DLGAP1: variants seen among roughly 807,000 people sequenced by gnomAD.
The protein encoded by DLGAP1 is DLG associated protein 1.
Under a neutral mutation model 90.8 loss-of-function variants are expected in DLGAP1, and 11 were observed. The observed-to-expected ratio is 0.12, with a 90% CI of 0.08 to 0.20. The LOEUF is 0.20. DLGAP1 is among the 10% of genes least tolerant of loss of function. The pLI, the probability that DLGAP1 is intolerant of heterozygous loss-of-function variation, is 1.00. For missense variants in DLGAP1, 1,050 were observed against 1,333.8 expected (o/e 0.79, Z 3.31); for synonymous variants, 558 against 540.7 (o/e 1.03, Z -0.44).
At chr18:3,787,139 AT>A (rs3837917) in intron 5 of DLGAP1, among the ~76,000 whole-genome samples, 101,538 of 151,834 alleles carry the variant, frequency 0.67, 35,694 homozygotes, top group Non-Finnish European at 0.8. Flanking sequence ...AAATAGGAAC[AT>A]CATGAAATGG....
chr18:4,244,054 A>C lies in DLGAP1; in HGVS notation c.-266-92767T>G, dbSNP rs546776009. ...TTCTGTACCATCTGAAGTTGTAGAC[A>C]TTGTGCATATCTTAAGAACTCATAT... On this transcript the variant is annotated intron_variant, in intron 1 of 12. Coordinates refer to ENST00000315677, the MANE Select transcript of DLGAP1 (RefSeq NM_004746.4). Among the ~76,000 whole-genome samples the C allele has an allele frequency of 2.0e-5, 3 of 152,228 alleles. No homozygotes were observed. In the South Asian group the frequency reaches 6.2e-4, roughly 32 times the overall value.
intron 7 of DLGAP1, among the ~76,000 whole-genome samples, chr18:3,657,641 T>G (rs376077271): frequency 2.0e-5 from 3 of 150,728 alleles, no homozygotes; most frequent in South Asian, 4.2e-4. Flanking sequence ...CTTGCTCTGT[T>G]GCCCAGGCTG....
chr18:3,879,339 T>C lies in DLGAP1; in HGVS notation c.730A>G (p.Ser244Gly). 1 of 1,609,322 alleles carries C rather than the reference T, an allele frequency of 6.2e-7. No homozygotes were observed. Among genetic ancestry groups the C allele is most frequent in the Non-Finnish European group, 8.5e-7 (1 of 1,177,580 alleles). ...CGGGAGGCCTTCACCGCCTGCTCGC[T>C]GATGGTGTTGTAGGCCTCCAGGAAG... ...QYFLEAYNTI[S>G]EQAVKASRSN... The change falls in exon 4 of 13, where the codon AGC becomes GGC. Residue 244 changes from serine (S) to glycine (G), a missense_variant. Ser to Gly is a moderately conservative substitution (Grantham distance 56). Transcript: ENST00000315677. This position sits in a 1 kb window ranked among gnomAD's most constrained non-coding sequence, Gnocchi z 6.6.
intron 7 of DLGAP1, chr18:3,655,571 T>C (rs995108525): frequency 6.6e-6 from 1 of 151,570 alleles, no homozygotes; most frequent in Admixed American, 6.5e-5. Context: ...TGCCTCATAG[T>C]GGTGGGTCAC....
chr18:4,175,479 T>C (rs1010931424), intron 1 of DLGAP1, among the ~76,000 whole-genome samples: 1 of 152,242 alleles, frequency 6.6e-6, no homozygotes, highest in Non-Finnish European at 1.5e-5. Flanking sequence ...ATTTATGTCA[T>C]GAAATCTTTG....
At chr18:3,855,960 G>A (rs1024624880) in intron 4 of DLGAP1, among the ~76,000 whole-genome samples, 7 of 152,160 alleles carry the variant, frequency 4.6e-5, no homozygotes, top group Admixed American at 2.6e-4. Flanking sequence ...AAAGAGAAGT[G>A]GATTTGGATT....
chr18:3,652,727 T>G (rs2059358075), intron 7 of DLGAP1, among the ~76,000 whole-genome samples: 1 of 152,192 alleles, frequency 6.6e-6, no homozygotes, highest in Non-Finnish European at 1.5e-5. Flanking sequence ...AACCTTCATT[T>G]TTTTCATACG....
chr18:4,308,010 C>T (rs140009343), intron 1 of DLGAP1, among the ~76,000 whole-genome samples: 20 of 152,258 alleles, frequency 1.3e-4, no homozygotes, highest in African/African-American at 2.9e-4. Flanking sequence ...CCACCGTGCC[C>T]GGCCGAGGGT....
chr18:4,306,436 T>G (rs2080262041), intron 1 of DLGAP1, among the ~76,000 whole-genome samples: 1 of 102,362 alleles, frequency 9.8e-6, no homozygotes, highest in Non-Finnish European at 1.9e-5. Flanking sequence ...AGTGTGTGTG[T>G]GTGTGTGTGT....
At chr18:3,592,878 G>GAAAAAAAAAAAAAAAAAAAAAAAAA (rs1568260542) in intron 7 of DLGAP1, among the ~76,000 whole-genome samples, 2 of 113,864 alleles carry the variant, frequency 1.8e-5, no homozygotes, top group Non-Finnish European at 3.5e-5. Flanking sequence ...GAAAAAGAAA[G>GAAAAAAAAAAAAAAAAAAAAAAAAA]AAAGAAAAAG....
At chr18:4,274,761 TAAG>T (rs931158278) in intron 1 of DLGAP1, among the ~76,000 whole-genome samples, 16 of 152,296 alleles carry the variant, frequency 1.1e-4, no homozygotes, top group African/African-American at 3.6e-4. Context: ...TTTTAGTAGA[TAAG>T]AAGTAGAAAT....
intron 7 of DLGAP1, among the ~76,000 whole-genome samples, chr18:3,713,868 A>G (rs902569487): frequency 3.3e-5 from 5 of 152,200 alleles, no homozygotes; most frequent in African/African-American, 7.2e-5. Flanking sequence ...ATCCAAAAAT[A>G]AAAGGTTTTG....
intron 2 of DLGAP1, among the ~76,000 whole-genome samples, chr18:4,107,174 T>A (rs1451707430): frequency 2.6e-5 from 4 of 152,188 alleles, no homozygotes; most frequent in Non-Finnish European, 1.5e-5. Flanking sequence ...AAAACACACA[T>A]GGTGCTTAGA....
At chr18:4,250,970 C>T (rs2078767245) in intron 1 of DLGAP1, among the ~76,000 whole-genome samples, 1 of 151,902 alleles carries the variant, frequency 6.6e-6, no homozygotes, top group Non-Finnish European at 1.5e-5. Flanking sequence ...AAACAAAACT[C>T]ATTTCTGGTT....
rs904748430 is a variant in DLGAP1 at position 4,454,323 on chromosome 18, C to T, written c.-267+683G>A. Among the ~76,000 whole-genome samples, 1 of 152,186 alleles carries T rather than the reference C, an allele frequency of 6.6e-6. No individual in the cohort carries two copies. The highest frequency in any genetic ancestry group is 2.4e-5 in the African/African-American group (1 of 41,452). On this transcript the variant is annotated intron_variant, in intron 1 of 12. Transcript: ENST00000315677. The surrounding 1 kb of genome is among the most constrained non-coding windows in gnomAD (Gnocchi z 4.7). ...TCAATTCGCTGAATGTCGGGTCTCC[C>T]GGCCCGCCCCGCGATTCTCCGGGAA...
intron 1 of DLGAP1, among the ~76,000 whole-genome samples, chr18:4,336,904 T>TC (rs2081078855): frequency 6.9e-6 from 1 of 143,886 alleles, no homozygotes; most frequent in Admixed American, 7.1e-5. Flanking sequence ...ATCGAGACCA[T>TC]CCTGGCTAAC....
chr18:3,689,858 G>A (rs370705099), intron 7 of DLGAP1, among the ~76,000 whole-genome samples: 11 of 152,246 alleles, frequency 7.2e-5, no homozygotes, highest in South Asian at 2.1e-4. Context: ...TAGAGTCCTC[G>A]ATATGTTAAT....
chr18:3,630,836 T>C (rs1018181817), intron 7 of DLGAP1, among the ~76,000 whole-genome samples: 8 of 152,228 alleles, frequency 5.3e-5, no homozygotes, highest in African/African-American at 1.9e-4. Context: ...GTATCTTGGC[T>C]GTATGTGGCA....
intron 1 of DLGAP1, among the ~76,000 whole-genome samples, chr18:4,453,071 A>AAGTAAATT (rs1309934350): frequency 1.3e-5 from 2 of 152,166 alleles, no homozygotes; most frequent in Non-Finnish European, 2.9e-5. Context: ...ATTTTCTCTT[A>AAGTAAATT]AGTAAATTAG....
Sources: allele counts gnomAD v4.1 joint callset (sites outside exome capture counted in the v4.1 genomes callset), GRCh38; gene constraint gnomAD v4.1.1; non-coding constraint Gnocchi (gnomAD v3.1); transcripts MANE v1.5; gene names NCBI Gene and HGNC (gene_info 2026-07-23, HGNC 2026-07-21).